GPHN: variants seen among roughly 807,000 people sequenced by gnomAD.
GPHN encodes the protein gephyrin.
In GPHN, 17 loss-of-function variants were observed where a neutral mutation model predicts 95.5. That is an observed-to-expected ratio of 0.18 (90% CI 0.12 to 0.27). The LOEUF is 0.27. Ranked by LOEUF, GPHN falls within the 10% of genes least tolerant of loss-of-function variation. The probability of loss-of-function intolerance (pLI) is 1.00; values close to 1 mark genes in which losing one functional copy is unlikely to be tolerated. For missense variants in GPHN, 660 were observed against 978.1 expected (o/e 0.67, Z 4.34); for synonymous variants, 320 against 322.5 (o/e 0.99, Z 0.08).
At chr14:67,134,238 C>G (rs1254530850) in intron 17 of GPHN, among the ~76,000 whole-genome samples, 1 of 152,170 alleles carries the variant, frequency 6.6e-6, no homozygotes, top group Non-Finnish European at 1.5e-5. Flanking sequence ...CATGAGGTAG[C>G]ACATTCTATT....
chr14:67,254,182 CTTTTT>C, the GPHN span: 1 of 118,562 alleles, frequency 8.4e-6, no homozygotes, highest in African/African-American at 3.0e-5. Flanking sequence ...AAGTGTCTTT[CTTTTT>C]TTTTTTTTTT....
At chr14:66,555,473 A>G (rs1566596235) in intron 1 of GPHN, among the ~76,000 whole-genome samples, 2 of 152,228 alleles carry the variant, frequency 1.3e-5, no homozygotes, top group African/African-American at 4.8e-5. Context: ...GAATGAGTTA[A>G]TGAATGTGTC....
intron 18 of GPHN, among the ~76,000 whole-genome samples, chr14:67,155,169 C>T (rs1036619408): frequency 2.6e-5 from 4 of 152,164 alleles, no homozygotes; most frequent in African/African-American, 9.7e-5. Flanking sequence ...AGGCTTTCAG[C>T]TTGAAGGGCT....
intron 1 of GPHN, among the ~76,000 whole-genome samples, chr14:66,628,671 A>G (rs2063614016): frequency 6.6e-6 from 1 of 152,104 alleles, no homozygotes; most frequent in Admixed American, 6.6e-5. Flanking sequence ...CTTCAATAAT[A>G]AATTTACTTT....
chr14:67,127,401 T>G (rs2079394786), intron 17 of GPHN, among the ~76,000 whole-genome samples: 1 of 152,194 alleles, frequency 6.6e-6, no homozygotes, highest in African/African-American at 2.4e-5. Flanking sequence ...TTTAAAAAGA[T>G]CAATTGACCT....
the GPHN span, among the ~76,000 whole-genome samples, chr14:67,396,301 C>A: frequency 2.0e-5 from 3 of 151,650 alleles, no homozygotes; most frequent in Non-Finnish European, 2.9e-5. Context: ...ACGCCCACCA[C>A]CCCGCCTGGC....
chr14:67,111,757 A>G, intron 14 of GPHN, 104 bp from the exon 15 acceptor site: 1 of 845,326 alleles, frequency 1.2e-6, no homozygotes, highest in Non-Finnish European at 2.0e-6. Flanking sequence ...TTTTGTCTAT[A>G]TTTGTATATA....
chr14:66,594,193 T>C (rs1290216515), intron 1 of GPHN, among the ~76,000 whole-genome samples: 3 of 152,274 alleles, frequency 2.0e-5, no homozygotes, highest in Non-Finnish European at 2.9e-5. Flanking sequence ...AGATATCCCA[T>C]GTTCATGAAT....
intron 4 of GPHN, among the ~76,000 whole-genome samples, chr14:66,835,782 A>G (rs1024758774): frequency 7.9e-5 from 12 of 152,116 alleles, no homozygotes; most frequent in Non-Finnish European, 1.6e-4. Flanking sequence ...AAAAATCACA[A>G]GCATTCCTAT....
At chr14:67,098,748 G>A (rs1165767353) in intron 12 of GPHN, among the ~76,000 whole-genome samples, 2 of 151,914 alleles carry the variant, frequency 1.3e-5, no homozygotes, top group African/African-American at 4.8e-5. Flanking sequence ...CTTGAACGCG[G>A]GAGGCAGAGG....
the GPHN span, chr14:67,345,714 A>G: frequency 2.4e-6 from 3 of 1,244,084 alleles, no homozygotes; most frequent in African/African-American, 3.0e-5. Flanking sequence ...ACTCTCCTCC[A>G]CTTGACTGTT....
chr14:66,581,836 A>C (rs922324665), intron 1 of GPHN, among the ~76,000 whole-genome samples: 6 of 152,040 alleles, frequency 3.9e-5, no homozygotes, highest in African/African-American at 1.4e-4. Flanking sequence ...ATTTATGAAG[A>C]AGATATAACA....
intron 2 of GPHN, among the ~76,000 whole-genome samples, chr14:66,760,017 A>G (rs1213307545): frequency 6.6e-6 from 1 of 152,192 alleles, no homozygotes; most frequent in Non-Finnish European, 1.5e-5. Flanking sequence ...AAATAGCACC[A>G]CCCAATCTAA....
At chr14:67,190,379 A>G in the GPHN span, among the ~76,000 whole-genome samples, 8 of 149,144 alleles carry the variant, frequency 5.4e-5, no homozygotes, top group East Asian at 6.0e-4. Context: ...ACACACCACC[A>G]TGCCTGGCTA....
At chr14:67,582,396 G>A in the GPHN span, 1 of 941,612 alleles carries the variant, frequency 1.1e-6, no homozygotes, top group Admixed American at 2.4e-5. The surrounding 1 kb of genome is among the most constrained non-coding windows in gnomAD (Gnocchi z 5.0). Context: ...GCAGATATAG[G>A]ATGCGTGCAG....
intron 6 of GPHN, 122 bp from the exon 7 acceptor site, chr14:66,922,544 T>G: frequency 1.4e-6 from 1 of 715,146 alleles, no homozygotes; most frequent in African/African-American, 1.8e-5. Context: ...TTACATATGA[T>G]TGATTCTGAG....
chr14:67,537,335 C>G, the GPHN span, among the ~76,000 whole-genome samples: 3 of 118,458 alleles, frequency 2.5e-5, no homozygotes, highest in Non-Finnish European at 1.8e-5. Flanking sequence ...CAGAGCGAGA[C>G]TCCATCTCAA....
At chr14:67,393,457 T>G in the GPHN span, among the ~76,000 whole-genome samples, 3 of 152,034 alleles carry the variant, frequency 2.0e-5, no homozygotes, top group African/African-American at 7.2e-5. Context: ...TGTTGTTGTT[T>G]TTTGTTTGTT....
Position 66,762,642 on chromosome 14 carries a change from T to G in GPHN, c.144-13822T>G, listed in dbSNP as rs140084161. 5.5e-3 allele frequency among the ~76,000 whole-genome samples: 831 copies of G among 152,066 alleles called. 10 individuals carry two copies. The highest frequency in any genetic ancestry group is 0.019 in the African/African-American group (789 of 41,464). On this transcript the variant is annotated intron_variant, in intron 2 of 22. Transcript: ENST00000478722. ...TTTTCTGTTCATAACCTTGAGCAAG[T>G]TAACTTTTCTGAACCTCAGGTATAG...
Sources: allele counts gnomAD v4.1 joint callset (sites outside exome capture counted in the v4.1 genomes callset), GRCh38; gene constraint gnomAD v4.1.1; non-coding constraint Gnocchi (gnomAD v3.1); transcripts MANE v1.5; gene names NCBI Gene and HGNC (gene_info 2026-07-23, HGNC 2026-07-21).